Variants in SHCBP1 observed in about 807,000 individuals in gnomAD.
SHCBP1 encodes the protein SHC binding and spindle associated 1.
SHCBP1 carries 60 observed loss-of-function variants against 75.1 expected under a neutral mutation model. The ratio of observed to expected loss-of-function variants is 0.80; its 90% confidence interval spans 0.65 to 0.99. The LOEUF (loss-of-function observed/expected upper bound fraction) is 0.99, where lower values mean the gene tolerates loss of function less well. SHCBP1 is among the 50% of genes least tolerant of loss of function. The pLI, the probability that SHCBP1 is intolerant of heterozygous loss-of-function variation, is 0.00. For missense variants in SHCBP1, 709 were observed against 809.4 expected, an observed-to-expected ratio of 0.88 and a Z score of 1.50; for synonymous variants, 290 against 293.2, an observed-to-expected ratio of 0.99 and a Z score of 0.11.
At chr16:46,596,076 A>T (rs1596676308) in intron 9 of SHCBP1, among the ~76,000 whole-genome samples, 1 of 152,192 alleles carries the variant, frequency 6.6e-6, no homozygotes, top group Non-Finnish European at 1.5e-5. Context: ...AAAACAGACC[A>T]CAACACTGGA....
chr16:46,583,209 A>T (rs1045918203), intron 12 of SHCBP1, among the ~76,000 whole-genome samples: 6 of 152,060 alleles, frequency 3.9e-5, no homozygotes, highest in African/African-American at 1.4e-4. Flanking sequence ...CACACCCACC[A>T]TTGCTATCAC....
intron 9 of SHCBP1, among the ~76,000 whole-genome samples, chr16:46,599,534 G>A (rs1272310993): frequency 6.6e-6 from 1 of 151,932 alleles, no homozygotes; most frequent in Non-Finnish European, 1.5e-5. Flanking sequence ...CAAGATCACT[G>A]TTCACAGATC....
chr16:46,612,087 C>T (rs1965424387), intron 4 of SHCBP1, among the ~76,000 whole-genome samples: 1 of 152,158 alleles, frequency 6.6e-6, no homozygotes, highest in East Asian at 1.9e-4. Flanking sequence ...AGAGGAAAAG[C>T]TGGCCAAGAT....
chr16:46,615,875 C>T, intron 4 of SHCBP1, 71 bp downstream of exon 4: 1 of 1,451,988 alleles, frequency 6.9e-7, no homozygotes, highest in Non-Finnish European at 9.7e-7. Context: ...GGGTCTAACA[C>T]AGACCAGAAT....
intron 10 of SHCBP1, among the ~76,000 whole-genome samples, chr16:46,594,073 G>A (rs1965094818): frequency 6.6e-6 from 1 of 152,182 alleles, no homozygotes; most frequent in African/African-American, 2.4e-5. Flanking sequence ...AATGAACCAT[G>A]ACCTAAACCT....
chr16:46,612,281 G>A (rs1465436632), intron 4 of SHCBP1, among the ~76,000 whole-genome samples: 1 of 152,206 alleles, frequency 6.6e-6, no homozygotes, highest in Non-Finnish European at 1.5e-5. Flanking sequence ...GGAAGTCTTT[G>A]AGCATAATTT....
At chr16:46,621,160 G>T in intron 1 of SHCBP1, 97 bp downstream of exon 1, 2 of 1,116,878 alleles carry the variant, frequency 1.8e-6, no homozygotes, top group Non-Finnish European at 2.5e-6. Flanking sequence ...TGGACAGACG[G>T]GTCCGGAAGG....
intron 4 of SHCBP1, 137 bp downstream of exon 4, chr16:46,615,809 T>C: frequency 1.5e-6 from 1 of 687,254 alleles, no homozygotes; most frequent in East Asian, 2.5e-5. Context: ...GATTATCCTA[T>C]CTTTGGATAT....
intron 8 of SHCBP1, among the ~76,000 whole-genome samples, chr16:46,602,822 G>T (rs189367526): frequency 2.2e-4 from 34 of 152,162 alleles, no homozygotes; most frequent in African/African-American, 8.2e-4. Context: ...GTACCGACGG[G>T]GTTTCACCAT....
intron 10 of SHCBP1, among the ~76,000 whole-genome samples, chr16:46,588,784 T>C (rs1198270467): frequency 1.3e-5 from 2 of 152,036 alleles, no homozygotes; most frequent in Admixed American, 1.3e-4. Flanking sequence ...ACTATTCCAA[T>C]CAATAGAAAA....
At chr16:46,618,079 G>A (rs1310665635) in intron 2 of SHCBP1, 126 bp downstream of exon 2, 2 of 930,712 alleles carry the variant, frequency 2.1e-6, no homozygotes, top group African/African-American at 1.7e-5. Context: ...GGGAGGCTGA[G>A]GCAGGAGAAT....
intron 10 of SHCBP1, among the ~76,000 whole-genome samples, chr16:46,586,529 T>G (rs1964956992): frequency 6.6e-6 from 1 of 152,072 alleles, no homozygotes; most frequent in South Asian, 2.1e-4. Context: ...AGGGTGAGGC[T>G]AAAAACATAC....
rs2142997991 is a variant in SHCBP1 at position 46,588,473 on chromosome 16, A to C, written c.1465-4384T>G. 1.3e-5 allele frequency among the ~76,000 whole-genome samples: 2 copies of C among 152,364 alleles called. 1 individual carries two copies. The highest frequency in any genetic ancestry group is 4.1e-4 in the South Asian group (2 of 4,822). On this transcript the variant is annotated intron_variant, in intron 10 of 12. Transcript: ENST00000303383. ...GAGAAGAATCAAATAGATGCAATAA[A>C]AACTAATAAAGGGGATATCACCACC... is the stretch of plus-strand genomic sequence containing the variant.
chr16:46,590,183 A>C (rs1485157097), intron 10 of SHCBP1, among the ~76,000 whole-genome samples: 3 of 152,244 alleles, frequency 2.0e-5, no homozygotes, highest in Non-Finnish European at 4.4e-5. Flanking sequence ...TGGATTAAAG[A>C]CTTAAATGTT....
intron 8 of SHCBP1, 99 bp from the exon 9 acceptor site, chr16:46,600,061 GATA>G: frequency 1.5e-6 from 2 of 1,312,058 alleles, no homozygotes; most frequent in South Asian, 2.7e-5. Context: ...GACTGCAGAT[GATA>G]ATGAGACCAG....
In SHCBP1 at chr16:46,578,991, T is replaced by G. The variant is rs766753931; in HGVS notation, c.*2738A>C. ...TAACTCCAGAAAAGTGAAGTGTATA[T>G]ACACTTGAGATCAAATGATCTCTGG... On this transcript the variant is annotated 3_prime_UTR_variant, in exon 13 of 13. Transcript: ENST00000303383. 2.0e-5 allele frequency among the ~76,000 whole-genome samples: 3 copies of G among 152,204 alleles called. No homozygotes were observed. The highest frequency in any genetic ancestry group is 6.5e-5 in the Admixed American group (1 of 15,282).
At chr16:46,603,926 T>G in intron 7 of SHCBP1, 49 bp downstream of exon 7, 1 of 1,560,436 alleles carries the variant, frequency 6.4e-7, no homozygotes, top group Non-Finnish European at 8.6e-7. Context: ...AAACCTGTGG[T>G]GAATCAGAAG....
chr16:46,586,711 T>C (rs1964959584), intron 10 of SHCBP1, among the ~76,000 whole-genome samples: 1 of 152,106 alleles, frequency 6.6e-6, no homozygotes, highest in Non-Finnish European at 1.5e-5. Context: ...AAGCATCAAT[T>C]AAAATTTTAT....
chr16:46,595,773 A>G, intron 9 of SHCBP1, 103 bp from the exon 10 acceptor site: 1 of 654,732 alleles, frequency 1.5e-6, no homozygotes, highest in Non-Finnish European at 2.5e-6. Context: ...ATATTTCTCA[A>G]TGGCTATCAT....
Sources: gnomAD v4.1 joint callset for allele counts (sites outside exome capture counted in the v4.1 genomes callset) on GRCh38, gnomAD v4.1.1 for gene constraint, MANE v1.5 for transcripts, NCBI Gene and HGNC (gene_info 2026-07-23, HGNC 2026-07-21) for gene names.